The following DNAH6 variants were observed in gnomAD, a reference collection of about 807,000 sequenced individuals.
The protein encoded by DNAH6 is axonemal beta dynein heavy chain 6.
In DNAH6, 340 loss-of-function variants were observed where a neutral mutation model predicts 491.4. The ratio of observed to expected loss-of-function variants is 0.69; its 90% CI spans 0.63 to 0.76. The LOEUF (loss-of-function observed/expected upper bound fraction) is 0.76, where lower values mean the gene tolerates loss of function less well. DNAH6 is among the 30% of genes least tolerant of loss of function. The pLI is 0.00. For synonymous variants in DNAH6, 1,603 were observed against 1,686.1 expected (o/e 0.95, Z 1.21); for missense variants, 4,443 against 4,972.2 (o/e 0.89, Z 3.20).
chr2:84,497,160 G>A, the DNAH6 span, among the ~76,000 whole-genome samples: 3 of 151,872 alleles, frequency 2.0e-5, no homozygotes, highest in Non-Finnish European at 2.9e-5. Flanking sequence ...TAGTAGAGAC[G>A]GAGTTTCACC....
At chr2:84,722,599 G>T in intron 59 of DNAH6, 26 bp from the exon 60 acceptor site, 3 of 1,524,330 alleles carry the variant, frequency 2.0e-6, no homozygotes, top group Non-Finnish European at 2.6e-6. Flanking sequence ...AGATCCCTAA[G>T]AACTTGTTAT....
intron 63 of DNAH6, among the ~76,000 whole-genome samples, chr2:84,755,505 T>C (rs1673923176): frequency 6.6e-6 from 1 of 152,234 alleles, no homozygotes; most frequent in South Asian, 2.1e-4. Flanking sequence ...TTTTGTATCC[T>C]GTAATCTTGC....
At chr2:84,482,168 G>T in the DNAH6 span, among the ~76,000 whole-genome samples, 1 of 152,138 alleles carries the variant, frequency 6.6e-6, no homozygotes, top group Non-Finnish European at 1.5e-5. Context: ...TTTTTAGGGG[G>T]CATTCCTCTT....
intron 63 of DNAH6, among the ~76,000 whole-genome samples, chr2:84,749,581 A>C (rs567718675): frequency 1.3e-5 from 2 of 152,358 alleles, no homozygotes. Flanking sequence ...GGATGTCCAC[A>C]TGAACCCTGA....
At chr2:84,721,797 A>G (rs1441537028) in intron 59 of DNAH6, among the ~76,000 whole-genome samples, 1 of 152,208 alleles carries the variant, frequency 6.6e-6, no homozygotes, top group African/African-American at 2.4e-5. Flanking sequence ...TGGAGCAAAT[A>G]CTGAGCAGTC....
At position 84,703,449 on chromosome 2, in the gene DNAH6, G is replaced by C. The variant is rs1487704742; in HGVS notation, c.8116G>C (p.Val2706Leu). 3.2e-6 allele frequency: 5 copies of C among 1,549,292 alleles called. No individual in the cohort carries two copies. Among genetic ancestry groups the C allele is most frequent in the African/African-American group, 2.7e-5 (2 of 72,974 alleles). The change falls in exon 50 of 77, where the codon GTA becomes CTA. Residue 2706 changes from valine (V) to leucine (L), a missense_variant. By Grantham distance (32) the Val-to-Leu change is conservative. Coordinates refer to ENST00000389394, the MANE Select transcript of DNAH6 (RefSeq NM_001370.2). Reference protein sequence around the residue: ...LTKLLETNILVDKMKLDLSAL... With the variant: ...LTKLLETNILLDKMKLDLSAL... ...CAAGCTACTAGAAACAAACATACTAGTAGATAAAATGAAACTAGATCTTTC... is the reference window on the plus strand; with the variant it reads ...CAAGCTACTAGAAACAAACATACTACTAGATAAAATGAAACTAGATCTTTC...
chr2:84,506,645 T>C, the DNAH6 span, among the ~76,000 whole-genome samples: 9 of 152,346 alleles, frequency 5.9e-5, no homozygotes, highest in East Asian at 1.3e-3. Flanking sequence ...TCCTTGCCCA[T>C]GCCTATGTCC....
Position 84,611,684 on chromosome 2 carries a change from T to A in DNAH6, c.3305T>A (p.Leu1102Gln). The change falls in exon 22 of 77, where the codon CTG becomes CAG. Residue 1102 changes from leucine (L) to glutamine (Q), a missense_variant. Transcript: ENST00000389394. The stretch of plus-strand genomic sequence containing the variant: ...ATATTTTTCTCCTAGGAAGAGTGGC[T>A]GACCTGCCAGAGAAACTGGCTCTAC... Reference protein sequence around the residue: ...ALFNQTLEEWLTCQRNWLYLE... With the variant: ...ALFNQTLEEWQTCQRNWLYLE... The A allele has an allele frequency of 6.4e-7, 1 of 1,550,644 alleles. No individual in the cohort carries two copies. Among genetic ancestry groups the A allele is most frequent in the Non-Finnish European group, 8.7e-7 (1 of 1,146,360 alleles).
the DNAH6 span, among the ~76,000 whole-genome samples, chr2:84,497,894 G>A: frequency 5.3e-5 from 8 of 152,166 alleles, no homozygotes; most frequent in African/African-American, 1.7e-4. Flanking sequence ...AGTGATCCCT[G>A]AAAAGCAACA....
At chr2:84,787,087 CT>C in intron 67 of DNAH6, 76 bp from the exon 68 acceptor site, 1 of 1,150,990 alleles carries the variant, frequency 8.7e-7, no homozygotes. Flanking sequence ...ATGGAAATTT[CT>C]TTTTAGTTTC....
chr2:84,571,438 T>C (rs937297188), intron 11 of DNAH6, among the ~76,000 whole-genome samples: 1 of 152,152 alleles, frequency 6.6e-6, no homozygotes, highest in African/African-American at 2.4e-5. Flanking sequence ...AGACAACAAA[T>C]GCCTTGTGAG....
chr2:84,745,148 C>T lies in DNAH6; in HGVS notation c.10411C>T (p.His3471Tyr). Residue 3471 changes from histidine to tyrosine, a missense_variant, in exon 63 of 77, where the codon CAC becomes TAC. This residue lies in a region of DNAH6 where 1,463 missense variants were observed against 1,656.6 expected (regional missense o/e 0.88). Transcript: ENST00000389394. ...TTCTAAAATGAAACACGAAGATAAA[C>T]ACATGAGACAGGAAAAGGAGGCAGC... is the stretch of plus-strand genomic sequence containing the variant. ...GYSKMKHEDK[H>Y]MRQEKEAAHQ... is the part of the protein sequence containing the mutation. 1 of 1,548,538 alleles carries T rather than the reference C, an allele frequency of 6.5e-7. No individual in the cohort carries two copies. Among genetic ancestry groups the T allele is most frequent in the East Asian group, 2.5e-5 (1 of 40,760 alleles).
In DNAH6 at chr2:84,594,060, A is replaced by C. The variant is rs1448285862; in HGVS notation, c.2699A>C (p.Asp900Ala). 2 of 1,548,518 alleles carry C rather than the reference A, an allele frequency of 1.3e-6. No individual in the cohort carries two copies. Among genetic ancestry groups the C allele is most frequent in the African/African-American group, 2.7e-5 (2 of 72,988 alleles). ...QLLWDSFSEW[D>A]KLQQEWLKSK... ...CTCTGGGATTCTTTCTCTGAATGGG[A>C]TAAACTCCAACAAGAATGGTTAAAG... is the stretch of plus-strand genomic sequence containing the variant. Residue 900 changes from aspartate to alanine, a missense_variant, in exon 17 of 77, where the codon GAT (aspartate) becomes GCT (alanine). Physicochemically the swap from Asp to Ala is moderately radical, Grantham distance 126 (BLOSUM62 -2). This residue lies in a region of DNAH6 where 2,977 missense variants were observed against 3,296.6 expected (regional missense o/e 0.90). Transcript: ENST00000389394.
intron 4 of DNAH6, among the ~76,000 whole-genome samples, chr2:84,534,540 T>C (rs1359851445): frequency 6.6e-6 from 1 of 152,124 alleles, no homozygotes; most frequent in Non-Finnish European, 1.5e-5. Context: ...AACTCTTTGT[T>C]TTGTGTATGT....
intron 63 of DNAH6, among the ~76,000 whole-genome samples, chr2:84,760,931 A>G (rs1674518860): frequency 6.6e-6 from 1 of 152,144 alleles, no homozygotes; most frequent in Non-Finnish European, 1.5e-5. Context: ...AAAGAAGTAA[A>G]AAGAACTATC....
intron 29 of DNAH6, among the ~76,000 whole-genome samples, chr2:84,631,234 C>A (rs568313743): frequency 6.6e-6 from 1 of 152,248 alleles, no homozygotes; most frequent in African/African-American, 2.4e-5. Flanking sequence ...TGAAAACACA[C>A]AAGAATGCTG....
At chr2:84,632,202 C>G (rs1466168416) in intron 29 of DNAH6, among the ~76,000 whole-genome samples, 1 of 152,226 alleles carries the variant, frequency 6.6e-6, no homozygotes, top group Non-Finnish European at 1.5e-5. Context: ...CTTTGTTTGG[C>G]ACCCTGGAGG....
Position 84,653,481 on chromosome 2 carries a change from T to C in DNAH6, c.5241T>C (p.His1747=), listed in dbSNP as rs766030924. The C allele has an allele frequency of 1.6e-5, 25 of 1,551,164 alleles. No homozygotes were observed. Among genetic ancestry groups the C allele is most frequent in the Non-Finnish European group, 2.0e-5 (23 of 1,146,704 alleles). ...TTTATGAAACTATGCTAGTAAGGCATGGTGTTATGTTAGTCGGGCCAACAG... is the reference window on the plus strand; with the variant it reads ...TTTATGAAACTATGCTAGTAAGGCACGGTGTTATGTTAGTCGGGCCAACAG... ...IQFYETMLVR[H]GVMLVGPTGG... The change falls in exon 34 of 77, where the codon CAT becomes CAC. Residue 1747 remains histidine (H), a synonymous_variant. Transcript: ENST00000389394.
rs750601674 is a variant in DNAH6, at chr2:84,680,774, G to C, written c.6745-583G>C. 3.3e-5 allele frequency among the ~76,000 whole-genome samples: 5 copies of C among 152,110 alleles called. No individual in the cohort carries two copies. The East Asian group carries it at 9.7e-4, about 29-fold the overall frequency. The stretch of plus-strand genomic sequence containing the variant: ...TAGGGGCCAGGATGGGGTGATGTCC[G>C]GGGAAACAGAGGGAAGCAAACAGAT... On this transcript the variant is annotated intron_variant, in intron 41 of 76. Transcript: ENST00000389394.
Sources: gnomAD v4.1 joint callset for allele counts (sites outside exome capture counted in the v4.1 genomes callset) on GRCh38, gnomAD v4.1.1 for gene constraint, gnomAD v4.1.1 regional missense constraint, MANE v1.5 for transcripts, NCBI Gene and HGNC (gene_info 2026-07-23, HGNC 2026-07-21) for gene names.